MYO5A: variants seen among roughly 807,000 people sequenced by gnomAD.
MYO5A encodes the protein myosin VA.
In MYO5A, 98 loss-of-function variants were observed where a neutral mutation model predicts 249.7. The observed-to-expected ratio is 0.39, with a 90% CI of 0.33 to 0.46. The LOEUF (loss-of-function observed/expected upper bound fraction) is 0.46, where lower values mean the gene tolerates loss of function less well. Among genes scored for constraint, MYO5A ranks in the 20% least tolerant of loss-of-function variants. MYO5A has a pLI of 0.98. For missense variants in MYO5A, 1,696 were observed against 2,308.8 expected, an observed-to-expected ratio of 0.73 and a Z score of 5.44; for synonymous variants, 778 against 810.6, an observed-to-expected ratio of 0.96 and a Z score of 0.68.
At chr15:52,422,860 G>A (rs1165735236) in intron 4 of MYO5A, among the ~76,000 whole-genome samples, 2 of 152,104 alleles carry the variant, frequency 1.3e-5, no homozygotes, top group East Asian at 3.9e-4. Context: ...GGGACTAAAG[G>A]CACAGGCCAC....
intron 25 of MYO5A, among the ~76,000 whole-genome samples, chr15:52,358,873 G>A (rs1040556127): frequency 6.6e-6 from 1 of 152,042 alleles, no homozygotes; most frequent in Non-Finnish European, 1.5e-5. Flanking sequence ...CTATATCCTG[G>A]CCATACTGTT....
chr15:52,392,076 A>G lies in MYO5A; in HGVS notation c.1402-6T>C, dbSNP rs1159967333. ...TGCTCCAATTTGAAGACATGCTGAA[A>G]TGAAAAAGAAAAAAAGCAGTCATTA... On this transcript the variant is annotated splice_region_variant and splice_polypyrimidine_tract_variant and intron_variant, in intron 11 of 41. Transcript: ENST00000399233. 1 of 1,608,672 alleles carries G rather than the reference A, an allele frequency of 6.2e-7. No individual in the cohort carries two copies. Among genetic ancestry groups the G allele is most frequent in the South Asian group, 1.1e-5 (1 of 91,006 alleles).
At chr15:52,463,804 T>G (rs2076300152) in intron 1 of MYO5A, among the ~76,000 whole-genome samples, 1 of 152,218 alleles carries the variant, frequency 6.6e-6, no homozygotes, top group African/African-American at 2.4e-5. Context: ...TGTTAGAAGC[T>G]TCCACCAGAT....
At chr15:52,430,997 C>G (rs1009363139) in intron 2 of MYO5A, among the ~76,000 whole-genome samples, 3 of 151,348 alleles carry the variant, frequency 2.0e-5, no homozygotes, top group Admixed American at 6.6e-5. Flanking sequence ...TTTGGGAGGC[C>G]GAGGTGGGTG....
intron 1 of MYO5A, among the ~76,000 whole-genome samples, chr15:52,507,733 G>A (rs943939608): frequency 1.3e-5 from 2 of 149,144 alleles, no homozygotes; most frequent in Admixed American, 6.8e-5. Context: ...GAGCCTGAGA[G>A]GTCGAGGCTG....
intron 1 of MYO5A, among the ~76,000 whole-genome samples, chr15:52,520,369 A>G (rs28673564): frequency 0.04 from 6,099 of 152,192 alleles, 338 homozygotes; most frequent in African/African-American, 0.13. Flanking sequence ...TAGAGGCCCA[A>G]TGAAAGGAGA....
intron 24 of MYO5A, among the ~76,000 whole-genome samples, chr15:52,361,040 C>A (rs756810161): frequency 1.6e-4 from 24 of 152,166 alleles, no homozygotes; most frequent in African/African-American, 5.8e-4. Flanking sequence ...CCTTCCAACA[C>A]CCAGGCTTAT....
At chr15:52,433,308 T>A in intron 1 of MYO5A, 23 bp from the exon 2 acceptor site, 2 of 1,369,344 alleles carry the variant, frequency 1.5e-6, no homozygotes, top group Non-Finnish European at 2.1e-6. Flanking sequence ...AAGAAAAAAA[T>A]TTAAACTAGC....
At position 52,383,122 on chromosome 15, in the gene MYO5A, T is replaced by C; in HGVS notation, c.1981A>G (p.Ile661Val). The C allele has an allele frequency of 9.9e-6, 16 of 1,613,942 alleles. No individual in the cohort carries two copies. Among genetic ancestry groups the C allele is most frequent in the Non-Finnish European group, 1.4e-5 (16 of 1,179,806 alleles). ...GGGAACTTGAAGTCATTAGGCTTGATACAGCGCACATAGTGAGGGGTAGTG... is the reference window on the plus strand; with the variant it reads ...GGGAACTTGAAGTCATTAGGCTTGACACAGCGCACATAGTGAGGGGTAGTG... Reference protein sequence around the residue: ...NATTPHYVRCIKPNDFKFPFT... With the variant: ...NATTPHYVRCVKPNDFKFPFT... Residue 661 changes from isoleucine (I) to valine (V), a missense_variant, in exon 16 of 42, where the codon ATC becomes GTC. By Grantham distance (29) the Ile-to-Val change is conservative. Coordinates refer to ENST00000399233, the MANE Select transcript of MYO5A (RefSeq NM_001382347.1).
chr15:52,392,927 T>C lies in MYO5A; in HGVS notation c.1402-857A>G, dbSNP rs554699334. Among the ~76,000 whole-genome samples the C allele has an allele frequency of 2.3e-4, 35 of 152,300 alleles. 2 individuals carry two copies. The South Asian group carries it at 7.3e-3, about 32-fold the overall frequency. ...ATAAGAGCAAGAGTCCTCATCTAGT[T>C]TGGACACAGGCTGGTCAGGGGAGGC... On this transcript the variant is annotated intron_variant, in intron 11 of 41. Transcript: ENST00000399233.
intron 1 of MYO5A, among the ~76,000 whole-genome samples, chr15:52,493,338 A>T (rs2076972901): frequency 6.6e-6 from 1 of 152,240 alleles, no homozygotes; most frequent in Admixed American, 6.5e-5. Context: ...CACATTAACA[A>T]AGAATGGAGA....
intron 1 of MYO5A, among the ~76,000 whole-genome samples, chr15:52,520,310 C>G (rs893683728): frequency 6.6e-6 from 1 of 152,186 alleles, no homozygotes; most frequent in African/African-American, 2.4e-5. Context: ...CCCCTGGTCT[C>G]TGGGGTGAGC....
intron 2 of MYO5A, among the ~76,000 whole-genome samples, chr15:52,430,222 T>C (rs568172696): frequency 5.9e-5 from 9 of 152,310 alleles, no homozygotes; most frequent in African/African-American, 1.9e-4. Flanking sequence ...GGTCCTTGCA[T>C]TGGCCCTGTA....
intron 14 of MYO5A, 37 bp downstream of exon 14, chr15:52,387,792 A>C (rs1160826199): frequency 7.1e-7 from 1 of 1,417,886 alleles, no homozygotes; most frequent in African/African-American, 1.4e-5. Context: ...AATGCTTTGC[A>C]TACATCCTGG....
At chr15:52,363,540 T>C (rs1172589033) in intron 24 of MYO5A, among the ~76,000 whole-genome samples, 1 of 152,036 alleles carries the variant, frequency 6.6e-6, no homozygotes, top group Non-Finnish European at 1.5e-5. Flanking sequence ...ATCTCTTTTA[T>C]TTTGACTTTT....
chr15:52,378,512 T>G (rs1386348600), intron 18 of MYO5A, among the ~76,000 whole-genome samples: 1 of 3,314 alleles, frequency 3.0e-4, no homozygotes, highest in Non-Finnish European at 0.014. Context: ...AGCAAGACTG[T>G]CTCAAAAAAA....
In MYO5A at chr15:52,407,348, T is replaced by A. The variant is rs1418123932; in HGVS notation, c.890A>T (p.Glu297Val). The change falls in exon 8 of 42, where the codon GAA becomes GTA. Residue 297 changes from glutamate (E) to valine (V), a missense_variant. Around this residue, in one of 5 missense-constraint regions of MYO5A, gnomAD observed 185 missense variants for 204.8 expected, o/e 0.90. Coordinates refer to ENST00000399233, the MANE Select transcript of MYO5A (RefSeq NM_001382347.1). ...CATCTCCTTTGCATCATCCACTCCT[T>A]CAATCACAGGACTGCCTCCTTGTTT... ...YTKQGGSPVI[E>V]GVDDAKEMAH... The A allele has an allele frequency of 1.9e-6, 3 of 1,613,654 alleles. No individual in the cohort carries two copies. The African/African-American group carries it at 4.0e-5, about 22-fold the overall frequency.
chr15:52,509,525 A>T (rs539367117), intron 1 of MYO5A, among the ~76,000 whole-genome samples: 2 of 152,348 alleles, frequency 1.3e-5, no homozygotes, highest in Non-Finnish European at 2.9e-5. Flanking sequence ...GGAACATATA[A>T]GCCTCTTCTC....
intron 36 of MYO5A, 64 bp from the exon 37 acceptor site, chr15:52,323,508 G>A: frequency 8.4e-7 from 1 of 1,193,656 alleles, no homozygotes; most frequent in South Asian, 1.2e-5. Flanking sequence ...AAAAAAAATT[G>A]AACAGATACC....
Sources: allele counts gnomAD v4.1 joint callset (sites outside exome capture counted in the v4.1 genomes callset), GRCh38; gene constraint gnomAD v4.1.1; regional missense constraint gnomAD v4.1.1; transcripts MANE v1.5; gene names NCBI Gene and HGNC (gene_info 2026-07-23, HGNC 2026-07-21).